EPAS1: variants seen among roughly 807,000 people sequenced by gnomAD.
The protein encoded by EPAS1 is endothelial PAS domain protein 1, also known as endothelial PAS domain-containing protein 1.
Under a neutral mutation model 87.9 loss-of-function variants are expected in EPAS1, and 23 were observed. The observed-to-expected ratio is 0.26, with a 90% CI of 0.19 to 0.37. The LOEUF (loss-of-function observed/expected upper bound fraction) is 0.37, where lower values mean the gene tolerates loss of function less well. Ranked by LOEUF, EPAS1 falls within the 10% of genes least tolerant of loss-of-function variation. EPAS1 has a pLI of 1.00. For synonymous variants in EPAS1, 508 were observed against 444.3 expected, an observed-to-expected ratio of 1.14 and a Z score of -1.80; for missense variants, 1,138 against 1,120.7, an observed-to-expected ratio of 1.02 and a Z score of -0.22.
At chr2:46,324,295 C>T (rs1403820507) in intron 1 of EPAS1, among the ~76,000 whole-genome samples, 1 of 152,222 alleles carries the variant, frequency 6.6e-6, no homozygotes, top group African/African-American at 2.4e-5. Context: ...TCTCGATCTT[C>T]TGACCTTGTG....
At chr2:46,370,442 C>T (rs1992846) in intron 7 of EPAS1, among the ~76,000 whole-genome samples, 56,697 of 151,982 alleles carry the variant, frequency 0.37, 11,709 homozygotes, top group East Asian at 0.69. Flanking sequence ...GAAAGTATTA[C>T]GGGTCCAACT....
intron 1 of EPAS1, among the ~76,000 whole-genome samples, chr2:46,304,815 G>T (rs1442891409): frequency 6.6e-6 from 1 of 151,684 alleles, no homozygotes; most frequent in Non-Finnish European, 1.5e-5. Flanking sequence ...ACTTCCTGTG[G>T]CTCTTTTGAT....
chr2:46,381,820 A>C (rs1684900171), intron 13 of EPAS1, 98 bp downstream of exon 13: 1 of 1,573,832 alleles, frequency 6.4e-7, no homozygotes, highest in Non-Finnish European at 8.7e-7. Context: ...AAGCCAGCAT[A>C]GCCCTTAGGG....
intron 1 of EPAS1, among the ~76,000 whole-genome samples, chr2:46,298,747 A>C (rs1476181106): frequency 1.3e-5 from 2 of 151,578 alleles, no homozygotes; most frequent in Admixed American, 1.3e-4. Context: ...AACTCTGGCC[A>C]TTTCTTGCTG....
chr2:46,298,677 G>T lies in EPAS1; in HGVS notation c.26+740G>T, dbSNP rs138376072. ...GGTGTCTGTCTCCGAAGAGGACAGA[G>T]AAGGGCAGCCACGATCTGCCCGCCT... On this transcript the variant is annotated intron_variant, in intron 1 of 15. Transcript: ENST00000263734. 1.6e-3 allele frequency among the ~76,000 whole-genome samples: 245 copies of T among 152,360 alleles called. 2 individuals are homozygous for T. Among genetic ancestry groups the T allele is most frequent in the African/African-American group, 5.3e-3 (221 of 41,594 alleles).
rs750114785 is a variant in EPAS1, at chr2:46,356,135, C to CT, written c.218-16_218-15insT. 6.4e-6 allele frequency: 8 copies of CT among 1,242,970 alleles called. No homozygotes were observed. The highest frequency in any genetic ancestry group is 2.0e-5 in the Admixed American group (1 of 49,276). 77.0% of individuals were successfully genotyped at this position (1,242,970 alleles called of 1,614,324 possible). On this transcript the variant is annotated splice_polypyrimidine_tract_variant and intron_variant, in intron 2 of 15. Transcript: ENST00000263734. ...TCCACATTCATGCAAGCTGTCCCAC[C>CT]CCCCCCCCTTTCCAGTTTGCTCTGA...
Position 46,375,936 on chromosome 2 carries a change from CA to C in EPAS1, c.1034+100del, listed in dbSNP as rs373115701. 9.5e-5 allele frequency: 146 copies of C among 1,537,486 alleles called. 1 individual carries two copies. In the African/African-American group the frequency reaches 1.5e-3, roughly 16 times the overall value. On this transcript the variant is annotated intron_variant, in intron 8 of 15. Transcript: ENST00000263734. This position sits in a 1 kb window ranked among gnomAD's most constrained non-coding sequence, Gnocchi z 4.1. Reference sequence around the variant, plus strand: ...CAGGCCTAGGAGATGCCAGGCCTCTCAGCGCCCTGGGCACCACCTCAGGGAG... The same window carrying C: ...CAGGCCTAGGAGATGCCAGGCCTCTCGCGCCCTGGGCACCACCTCAGGGAG...
At chr2:46,383,131 C>A (rs116056466) in intron 15 of EPAS1, among the ~76,000 whole-genome samples, 1 of 152,296 alleles carries the variant, frequency 6.6e-6, no homozygotes, top group South Asian at 2.1e-4. Flanking sequence ...TAGGGAGAAC[C>A]CTCCCATGAT....
chr2:46,331,557 A>G (rs917087723), intron 1 of EPAS1, among the ~76,000 whole-genome samples: 21 of 152,240 alleles, frequency 1.4e-4, no homozygotes, highest in African/African-American at 5.1e-4. Context: ...ACCATGGGAA[A>G]AGAACAGATG....
intron 1 of EPAS1, among the ~76,000 whole-genome samples, chr2:46,302,658 T>A (rs1683031452): frequency 6.7e-6 from 1 of 148,548 alleles, no homozygotes; most frequent in African/African-American, 2.5e-5. Context: ...CGACTCCTAC[T>A]CTGGCTAAAA....
Position 46,382,027 on chromosome 2 carries a change from A to T in EPAS1, c.2225A>T (p.Asn742Ile). Residue 742 changes from asparagine to isoleucine, a missense_variant, in exon 14 of 16, where the codon AAC becomes ATC. Coordinates refer to ENST00000263734, the MANE Select transcript of EPAS1 (RefSeq NM_001430.5). The part of the protein sequence containing the change: ...TSHLMWKRMK[N>I]LRGGSCPLMP... ...CATTTGATGTGGAAACGGATGAAGAACCTCAGGGGTGGGAGCTGCCCTTTG... is the reference window on the plus strand; with the variant it reads ...CATTTGATGTGGAAACGGATGAAGATCCTCAGGGGTGGGAGCTGCCCTTTG... The T allele has an allele frequency of 6.2e-7, 1 of 1,613,852 alleles. No homozygotes were observed.
In EPAS1 at chr2:46,308,460, T is replaced by TTGG. The variant is rs541300033; in HGVS notation, c.26+10523_26+10524insTGG. Among the ~76,000 whole-genome samples, 460 of 109,250 alleles carry TTGG rather than the reference T, an allele frequency of 4.2e-3. 6 individuals are homozygous for TTGG. The highest frequency in any genetic ancestry group is 8.9e-3 in the African/African-American group (283 of 31,806). 71.7% of individuals were successfully genotyped at this position (109,250 alleles called of 152,430 possible). A position where few individuals can be genotyped will look rare whatever the true frequency, so the allele number is the denominator to read the frequency against. ...CCCTAATACCTTGCTTGCTTTTTTT[T>TTGG]GGGGGGGGGGGCTCTGAAATCATGC... On this transcript the variant is annotated intron_variant, in intron 1 of 15. Coordinates refer to ENST00000263734, the MANE Select transcript of EPAS1 (RefSeq NM_001430.5).
At chr2:46,342,656 A>G (rs1034078950) in intron 1 of EPAS1, among the ~76,000 whole-genome samples, 1 of 152,170 alleles carries the variant, frequency 6.6e-6, no homozygotes, top group African/African-American at 2.4e-5. Context: ...CTGTGTTCAT[A>G]TGGAAGTCAG....
Position 46,376,752 on chromosome 2 carries a change from C to T in EPAS1, c.1248C>T (p.Phe416=), listed in dbSNP as rs761886735. 6.2e-5 allele frequency: 100 copies of T among 1,612,000 alleles called. 1 individual carries two copies. The highest frequency in any genetic ancestry group is 7.6e-5 in the Non-Finnish European group (90 of 1,179,920). ...GAGACGCCATCATCTCTCTGGATTT[C>T]GGTGGGTGCTTCTTAGCTAAGCCAG... ...TPGDAIISLD[F]GNQNFEESSA... is the part of the protein sequence containing the mutation. Residue 416 remains phenylalanine (F), a splice_region_variant and synonymous_variant, in exon 9 of 16, where the codon TTC becomes TTT. Coordinates refer to ENST00000263734, the MANE Select transcript of EPAS1 (RefSeq NM_001430.5).
chr2:46,334,839 C>G (rs977455652), intron 1 of EPAS1, among the ~76,000 whole-genome samples: 1 of 152,168 alleles, frequency 6.6e-6, no homozygotes, highest in Admixed American at 6.5e-5. Flanking sequence ...TTGATGACTT[C>G]TTTACAAAGG....
chr2:46,319,634 G>A (rs1683414426), intron 1 of EPAS1, among the ~76,000 whole-genome samples: 1 of 152,152 alleles, frequency 6.6e-6, no homozygotes, highest in Admixed American at 6.5e-5. Flanking sequence ...TGCTGATCGT[G>A]GTTGGAAGTG....
chr2:46,378,364 C>T (rs951061333), intron 10 of EPAS1, among the ~76,000 whole-genome samples: 5 of 152,260 alleles, frequency 3.3e-5, no homozygotes, highest in African/African-American at 4.8e-5. Flanking sequence ...CACAGAGCTG[C>T]ACAGTTTGCA....
At position 46,382,570 on chromosome 2, in the gene EPAS1, C is replaced by T. The variant is rs758741359; in HGVS notation, c.2433C>T (p.Tyr811=). ...PQCYATQYQD[Y]SLSSAHKVSG... The stretch of plus-strand genomic sequence containing the variant: ...GCTACGCCACCCAGTACCAGGACTA[C>T]AGCCTGTCGTCAGCCCACAAGGTGT... The change falls in exon 15 of 16, where the codon TAC becomes TAT. Residue 811 remains tyrosine, a synonymous_variant. Coordinates refer to ENST00000263734, the MANE Select transcript of EPAS1 (RefSeq NM_001430.5). The T allele has an allele frequency of 2.5e-6, 4 of 1,614,148 alleles. No individual in the cohort carries two copies. Among genetic ancestry groups the T allele is most frequent in the African/African-American group, 1.3e-5 (1 of 75,064 alleles).
At position 46,375,542 on chromosome 2, in the gene EPAS1, A is replaced by G; in HGVS notation, c.887-148A>G. On this transcript the variant is annotated intron_variant, in intron 7 of 15. Coordinates refer to ENST00000263734, the MANE Select transcript of EPAS1 (RefSeq NM_001430.5). The surrounding 1 kb of genome is among the most constrained non-coding windows in gnomAD (Gnocchi z 4.1). ...TGAGGTGATCCCTAAGCTCCCTCCC[A>G]GGTCACTCTCCCTGGTCCTCACTGT... 1 of 911,556 alleles carries G rather than the reference A, an allele frequency of 1.1e-6. No individual in the cohort carries two copies. Among genetic ancestry groups the G allele is most frequent in the East Asian group, 2.7e-5 (1 of 37,690 alleles). 56.5% of individuals were successfully genotyped at this position (911,556 alleles called of 1,614,324 possible). A position where few individuals can be genotyped will look rare whatever the true frequency, so the allele number is the denominator to read the frequency against.
Sources: gnomAD v4.1 joint callset for allele counts (sites outside exome capture counted in the v4.1 genomes callset) on GRCh38, gnomAD v4.1.1 for gene constraint, Gnocchi (gnomAD v3.1) non-coding constraint, MANE v1.5 for transcripts, NCBI Gene and HGNC (gene_info 2026-07-23, HGNC 2026-07-21) for gene names.